Variants in CHD1 observed in about 807,000 individuals in gnomAD.
CHD1 encodes ATP-dependent chromatin remodeler CHD1.
CHD1 carries 36 observed loss-of-function variants against 224.2 expected under a neutral mutation model. That is an observed-to-expected ratio of 0.16 (90% CI 0.12 to 0.21). CHD1 has a LOEUF of 0.21. CHD1 is among the 10% of genes least tolerant of loss of function. The probability of loss-of-function intolerance (pLI) is 1.00; values close to 1 mark genes in which losing one functional copy is unlikely to be tolerated. For synonymous variants in CHD1, 668 were observed against 658.3 expected (o/e 1.01, Z -0.23); for missense variants, 1,378 against 1,994.8 (o/e 0.69, Z 5.89).
At chr5:98,901,446 T>C in intron 5 of CHD1, 111 bp from the exon 6 acceptor site, 1 of 778,446 alleles carries the variant, frequency 1.3e-6, no homozygotes, top group African/African-American at 1.8e-5. Flanking sequence ...AAAATACTGT[T>C]GCTTTTACTC....
chr5:98,866,145 C>T (rs528035470), intron 31 of CHD1, among the ~76,000 whole-genome samples: 25 of 152,086 alleles, frequency 1.6e-4, no homozygotes, highest in Non-Finnish European at 3.2e-4. Context: ...AAAACAAAAA[C>T]GGTTACCCTT....
At position 98,884,252 on chromosome 5, in the gene CHD1, T is replaced by G. The variant is rs558672928; in HGVS notation, c.2569-1015A>C. Among the ~76,000 whole-genome samples the G allele has an allele frequency of 2.0e-5, 3 of 151,936 alleles. No individual in the cohort carries two copies. The South Asian group carries it at 6.3e-4, about 32-fold the overall frequency. ...CTACGCCCAGCTAATTTTTTTGTAT[T>G]TTTAGTAGAGATGGGGTTTCACTGT... On this transcript the variant is annotated intron_variant, in intron 18 of 35. Coordinates refer to ENST00000614616, the MANE Select transcript of CHD1 (RefSeq NM_001270.4).
At position 98,854,814 on chromosome 5, in the gene CHD1, G is replaced by A. The variant is rs879845211; in HGVS notation, c.*1566C>T. 1 of 152,112 alleles carries A rather than the reference G, an allele frequency of 6.6e-6. No individual in the cohort carries two copies. The highest frequency in any genetic ancestry group is 2.4e-5 in the African/African-American group (1 of 41,436). The allele number at this position is 152,112 out of a possible 1,614,324, so 9.4% of individuals were successfully genotyped here. On this transcript the variant is annotated 3_prime_UTR_variant, in exon 36 of 36. Transcript: ENST00000614616. ...CACATAGCAATACTATAGAAATTAT[G>A]TCCACATACTTATATTCGTCAAAGA...
chr5:98,911,142 AAAAAATATATAT>A (rs1235673884), intron 2 of CHD1, among the ~76,000 whole-genome samples: 8 of 81,384 alleles, frequency 9.8e-5, no homozygotes, highest in African/African-American at 4.3e-4. Context: ...AAAAAAAAAA[AAAAAATATATAT>A]ATATATATAT....
chr5:98,892,397 C>T, intron 15 of CHD1, 128 bp downstream of exon 15: 1 of 582,354 alleles, frequency 1.7e-6, no homozygotes, highest in Admixed American at 3.0e-5. Flanking sequence ...TAAACTTATT[C>T]TGAAACTCGA....
At chr5:98,921,351 C>T (rs1378593562) in intron 2 of CHD1, among the ~76,000 whole-genome samples, 1 of 152,174 alleles carries the variant, frequency 6.6e-6, no homozygotes, top group East Asian at 1.9e-4. Flanking sequence ...ACATCAATAA[C>T]AAAGTGGCAA....
chr5:98,880,591 TG>T (rs1750103689), intron 22 of CHD1, among the ~76,000 whole-genome samples: 1 of 152,236 alleles, frequency 6.6e-6, no homozygotes, highest in South Asian at 2.1e-4. Context: ...TGACTTACGT[TG>T]TTTTAGGACT....
intron 30 of CHD1, 122 bp downstream of exon 30, chr5:98,869,622 GCACACACACA>G (rs113502266): frequency 0.18 from 125,891 of 717,378 alleles, 7,502 homozygotes; most frequent in Middle Eastern, 0.27. Flanking sequence ...ACGTGCGCGC[GCACACACACA>G]CACACACACA....
intron 35 of CHD1, among the ~76,000 whole-genome samples, chr5:98,857,740 G>GT (rs1748147022): frequency 6.6e-6 from 1 of 151,924 alleles, no homozygotes; most frequent in African/African-American, 2.4e-5. Context: ...GATTGCTGAG[G>GT]TTAAGTTTTA....
At chr5:98,872,981 C>T (rs574252852) in intron 26 of CHD1, among the ~76,000 whole-genome samples, 1 of 152,002 alleles carries the variant, frequency 6.6e-6, no homozygotes, top group Non-Finnish European at 1.5e-5. Flanking sequence ...ACAATCACAC[C>T]CTGCTAATTT....
chr5:98,913,923 G>GT (rs34810798), intron 2 of CHD1, among the ~76,000 whole-genome samples: 1,888 of 150,396 alleles, frequency 0.013, 34 homozygotes, highest in African/African-American at 0.043. Flanking sequence ...GAGAGTAGTA[G>GT]TTTTTTTTTT....
Position 98,868,539 on chromosome 5 carries a change from T to C in CHD1, c.4204A>G (p.Ile1402Val). 2 of 1,612,534 alleles carry C rather than the reference T, an allele frequency of 1.2e-6. No homozygotes were observed. Among genetic ancestry groups the C allele is most frequent in the South Asian group, 2.2e-5 (2 of 90,652 alleles). ...TCCAGCTCTTCAGATTCTTCAGAAA[T>C]GGGAACTGGTTCACCACTTGCCGTG... ...HITASGEPVPISEESEELDQK... is the reference protein window; with the variant it reads ...HITASGEPVPVSEESEELDQK... The change falls in exon 31 of 36, where the codon ATT becomes GTT. Residue 1402 changes from isoleucine (I) to valine (V), a missense_variant. Around this residue, in one of 16 missense-constraint regions of CHD1, gnomAD observed 105 missense variants for 93.4 expected, o/e 1.12. Coordinates refer to ENST00000614616, the MANE Select transcript of CHD1 (RefSeq NM_001270.4).
chr5:98,870,611 G>A (rs1749258935), intron 29 of CHD1, 76 bp downstream of exon 29: 2 of 717,908 alleles, frequency 2.8e-6, no homozygotes, highest in South Asian at 2.0e-5. Context: ...GACTTCAGAT[G>A]TTTAGCATGG....
chr5:98,916,222 A>G (rs1752719199), intron 2 of CHD1, among the ~76,000 whole-genome samples: 1 of 152,090 alleles, frequency 6.6e-6, no homozygotes, highest in Non-Finnish European at 1.5e-5. Flanking sequence ...GTTCAATTTT[A>G]AAGAGATTAT....
intron 12 of CHD1, 64 bp from the exon 13 acceptor site, chr5:98,894,750 A>G (rs1169665594): frequency 1.5e-6 from 1 of 668,070 alleles, no homozygotes; most frequent in East Asian, 2.9e-5. Flanking sequence ...TTTTACTTAC[A>G]TATCTAAAAA....
At chr5:98,922,100 C>G (rs1753135185) in intron 2 of CHD1, among the ~76,000 whole-genome samples, 1 of 152,016 alleles carries the variant, frequency 6.6e-6, no homozygotes, top group South Asian at 2.1e-4. Flanking sequence ...TGCAGTGAGC[C>G]AAGATCGTGC....
In CHD1 at chr5:98,897,320, C is replaced by A; in HGVS notation, c.1366G>T (p.Val456Leu). 1.3e-6 allele frequency: 2 copies of A among 1,581,846 alleles called. No individual in the cohort carries two copies. Among genetic ancestry groups the A allele is most frequent in the Non-Finnish European group, 1.7e-6 (2 of 1,159,624 alleles). The change falls in exon 11 of 36, where the codon GTA (valine) becomes TTA (leucine). Residue 456 changes from valine to leucine, a missense_variant and splice_region_variant. Coordinates refer to ENST00000614616, the MANE Select transcript of CHD1 (RefSeq NM_001270.4). ...ACAAACCTTGGCCTTTGTTTTAATA[C>A]CTTTAGTAGAAATAAACATTATTAT... Reference protein sequence around the residue: ...SKTTPFKDCKVLKQRPRFVAL... With the variant: ...SKTTPFKDCKLLKQRPRFVAL...
intron 2 of CHD1, among the ~76,000 whole-genome samples, chr5:98,907,003 A>G (rs964976729): frequency 1.7e-4 from 26 of 152,222 alleles, no homozygotes; most frequent in African/African-American, 6.3e-4. Flanking sequence ...TAGACAGATG[A>G]ATGATTAAAT....
At chr5:98,888,987 AAGTT>A in intron 16 of CHD1, 85 bp downstream of exon 16, 1 of 782,428 alleles carries the variant, frequency 1.3e-6, no homozygotes, top group Non-Finnish European at 2.0e-6. Context: ...TTTATCCAAT[AAGTT>A]AAAGCATTGA....
Sources: gnomAD v4.1 joint callset for allele counts (sites outside exome capture counted in the v4.1 genomes callset) on GRCh38, gnomAD v4.1.1 for gene constraint, gnomAD v4.1.1 regional missense constraint, MANE v1.5 for transcripts, NCBI Gene and HGNC (gene_info 2026-07-23, HGNC 2026-07-21) for gene names.